The following ZEB2 variants were observed in gnomAD, a reference collection of about 807,000 sequenced individuals.
ZEB2 encodes the protein zinc finger E-box-binding homeobox 2.
ZEB2 carries 6 observed loss-of-function variants against 99.9 expected under a neutral mutation model. The observed-to-expected ratio is 0.06, with a 90% CI of 0.03 to 0.12. The LOEUF (loss-of-function observed/expected upper bound fraction) is 0.12, where lower values mean the gene tolerates loss of function less well. Among genes scored for constraint, ZEB2 ranks in the 10% least tolerant of loss-of-function variants. ZEB2 has a pLI of 1.00. For synonymous variants in ZEB2, 517 were observed against 542.5 expected (o/e 0.95, Z 0.65); for missense variants, 969 against 1,502.8 (o/e 0.64, Z 5.87).
chr2:144,464,480 T>G lies in ZEB2; in HGVS notation c.74-34454A>C, dbSNP rs533091937. On this transcript the variant is annotated intron_variant, in intron 2 of 9. Transcript: ENST00000627532. ...ACTAATTAGATAACATAGCTGGGCT[T>G]TACAGGTATTATAGAATATTCTTTA... 11 of 152,330 alleles carry G rather than the reference T, an allele frequency of 7.2e-5. No individual in the cohort carries two copies. In the South Asian group the frequency reaches 2.3e-3, roughly 32 times the overall value. The allele number at this position is 152,330 out of a possible 1,614,324, so 9.4% of individuals were successfully genotyped here.
chr2:144,465,592 G>A (rs1406393574), intron 2 of ZEB2, among the ~76,000 whole-genome samples: 5 of 152,084 alleles, frequency 3.3e-5, no homozygotes, highest in Non-Finnish European at 5.9e-5. Context: ...CAAACACAGA[G>A]TTGTTGGATT....
chr2:144,434,443 G>A (rs922042934), intron 2 of ZEB2, among the ~76,000 whole-genome samples: 1 of 152,148 alleles, frequency 6.6e-6, no homozygotes, highest in Non-Finnish European at 1.5e-5. Context: ...GGTAATACAG[G>A]CACAGTGAGG....
At chr2:144,455,438 T>C (rs914312887) in intron 2 of ZEB2, among the ~76,000 whole-genome samples, 11 of 152,266 alleles carry the variant, frequency 7.2e-5, no homozygotes, top group Admixed American at 2.0e-4. Context: ...TGCTACTTCA[T>C]TGAAAGAAAA....
intron 2 of ZEB2, among the ~76,000 whole-genome samples, chr2:144,459,964 T>A (rs1445875078): frequency 6.6e-6 from 1 of 152,098 alleles, no homozygotes; most frequent in African/African-American, 2.4e-5. Flanking sequence ...CTGGGTCCCG[T>A]AAGGAGAGAT....
intron 2 of ZEB2, among the ~76,000 whole-genome samples, chr2:144,439,812 T>C (rs549906011): frequency 6.6e-6 from 1 of 152,350 alleles, no homozygotes; most frequent in African/African-American, 2.4e-5. Flanking sequence ...TATATGAACA[T>C]TCCAATGAGC....
chr2:144,456,538 G>A (rs952854873), intron 2 of ZEB2, among the ~76,000 whole-genome samples: 3 of 151,894 alleles, frequency 2.0e-5, no homozygotes, highest in Admixed American at 6.6e-5. Context: ...GTTAATACTG[G>A]TTCACATGGG....
chr2:144,423,631 T>G (rs1703650096), intron 4 of ZEB2, among the ~76,000 whole-genome samples: 1 of 152,214 alleles, frequency 6.6e-6, no homozygotes, highest in African/African-American at 2.4e-5. Flanking sequence ...GATTCTATAC[T>G]TTTTCTAGAA....
At chr2:144,415,763 C>T (rs1703531539) in intron 4 of ZEB2, among the ~76,000 whole-genome samples, 2 of 152,240 alleles carry the variant, frequency 1.3e-5, no homozygotes, top group South Asian at 4.1e-4. Context: ...TAAACCACTG[C>T]ATCCTCTGAG....
At chr2:144,483,806 A>G (rs1031649258) in intron 2 of ZEB2, among the ~76,000 whole-genome samples, 1 of 152,188 alleles carries the variant, frequency 6.6e-6, no homozygotes, top group African/African-American at 2.4e-5. Flanking sequence ...CCTGCCTCCC[A>G]TTATCAAATT....
intron 2 of ZEB2, among the ~76,000 whole-genome samples, chr2:144,499,394 C>A (rs1335836024): frequency 6.6e-6 from 1 of 152,132 alleles, no homozygotes; most frequent in Non-Finnish European, 1.5e-5. Flanking sequence ...TAATTTTTAA[C>A]CAGTATCTAA....
intron 2 of ZEB2, among the ~76,000 whole-genome samples, chr2:144,469,172 C>T (rs188252036): frequency 1.4e-4 from 21 of 152,194 alleles, no homozygotes; most frequent in African/African-American, 5.1e-4. Flanking sequence ...AAATCAAAGG[C>T]AGGCTTATAG....
At chr2:144,440,166 T>C (rs1703886530) in intron 2 of ZEB2, among the ~76,000 whole-genome samples, 1 of 152,186 alleles carries the variant, frequency 6.6e-6, no homozygotes, top group Non-Finnish European at 1.5e-5. Context: ...CACCAGCCTA[T>C]GAAATGCACA....
intron 2 of ZEB2, among the ~76,000 whole-genome samples, chr2:144,503,375 C>T (rs1704901885): frequency 6.6e-6 from 1 of 152,222 alleles, no homozygotes; most frequent in Non-Finnish European, 1.5e-5. Flanking sequence ...AAGGCATCTT[C>T]AGCCCTTTGT....
At chr2:144,432,285 G>A (rs980887209) in intron 2 of ZEB2, among the ~76,000 whole-genome samples, 1 of 152,258 alleles carries the variant, frequency 6.6e-6, no homozygotes, top group East Asian at 1.9e-4. Flanking sequence ...CTCACAAATA[G>A]TAGTAAATAC....
chr2:144,404,747 T>C (rs1703360415), intron 5 of ZEB2, 89 bp downstream of exon 5: 1 of 1,481,300 alleles, frequency 6.8e-7, no homozygotes, highest in African/African-American at 1.4e-5. Context: ...TCTTCAAATT[T>C]TAAGGTAAAC....
chr2:144,506,890 G>A (rs1000501703), intron 2 of ZEB2, among the ~76,000 whole-genome samples: 12 of 152,100 alleles, frequency 7.9e-5, no homozygotes, highest in Non-Finnish European at 1.0e-4. Context: ...TATGGGCAAC[G>A]TAACTATTAA....
chr2:144,493,677 A>G (rs1440363897), intron 2 of ZEB2, among the ~76,000 whole-genome samples: 1 of 152,202 alleles, frequency 6.6e-6, no homozygotes, highest in African/African-American at 2.4e-5. Context: ...AGCCTCTAGC[A>G]GACAGCACAT....
intron 6 of ZEB2, among the ~76,000 whole-genome samples, chr2:144,402,223 C>A (rs1301253428): frequency 1.3e-5 from 2 of 152,158 alleles, no homozygotes; most frequent in Non-Finnish European, 2.9e-5. Context: ...ATGCAGTCAT[C>A]CACTCTGGAT....
At chr2:144,473,019 G>A (rs1479533791) in intron 2 of ZEB2, among the ~76,000 whole-genome samples, 2 of 152,176 alleles carry the variant, frequency 1.3e-5, no homozygotes, top group Non-Finnish European at 2.9e-5. Context: ...ATTAAATAAA[G>A]TAAGCTGGAA....
Sources: gnomAD v4.1 joint callset for allele counts (sites outside exome capture counted in the v4.1 genomes callset) on GRCh38, gnomAD v4.1.1 for gene constraint, MANE v1.5 for transcripts, NCBI Gene and HGNC (gene_info 2026-07-23, HGNC 2026-07-21) for gene names.